Variants in NRXN3 observed in about 807,000 individuals in gnomAD.
NRXN3 encodes neurexin 3.
Under a neutral mutation model 137.6 loss-of-function variants are expected in NRXN3, and 32 were observed. That is an observed-to-expected ratio of 0.23 (90% CI 0.18 to 0.31). The LOEUF (loss-of-function observed/expected upper bound fraction) is 0.31. Ranked by LOEUF, NRXN3 falls within the 10% of genes least tolerant of loss-of-function variation. The probability of loss-of-function intolerance (pLI) is 1.00; values close to 1 mark genes in which losing one functional copy is unlikely to be tolerated. For missense variants in NRXN3, 1,574 were observed against 2,062.5 expected (o/e 0.76, Z 4.59); for synonymous variants, 798 against 784.5 (o/e 1.02, Z -0.29).
chr14:79,752,943 T>G (rs563862144), intron 19 of NRXN3, among the ~76,000 whole-genome samples: 2 of 152,274 alleles, frequency 1.3e-5, no homozygotes, highest in Non-Finnish European at 2.9e-5. Context: ...AGAAGACATT[T>G]ATGCAACCAA....
intron 6 of NRXN3, among the ~76,000 whole-genome samples, chr14:78,676,575 A>C (rs748847545): frequency 4.6e-5 from 7 of 152,138 alleles, no homozygotes; most frequent in Non-Finnish European, 8.8e-5. Context: ...TAATAGTGCA[A>C]ATTGAAGCAG....
At chr14:78,316,779 C>T (rs965197171) in intron 4 of NRXN3, among the ~76,000 whole-genome samples, 4 of 152,112 alleles carry the variant, frequency 2.6e-5, no homozygotes, top group African/African-American at 7.2e-5. Flanking sequence ...TGACCAAGAC[C>T]TAGTGTTTGT....
chr14:79,491,564 C>G (rs770680823), intron 16 of NRXN3, among the ~76,000 whole-genome samples: 1 of 151,778 alleles, frequency 6.6e-6, no homozygotes, highest in Non-Finnish European at 1.5e-5. Context: ...CAAAGAGGCA[C>G]TAATGTACCC....
chr14:78,233,405 C>T (rs1386046029), intron 1 of NRXN3, among the ~76,000 whole-genome samples: 1 of 152,084 alleles, frequency 6.6e-6, no homozygotes, highest in Non-Finnish European at 1.5e-5. Flanking sequence ...GGTTCCTCTC[C>T]TCTGAGAAAC....
intron 16 of NRXN3, among the ~76,000 whole-genome samples, chr14:79,562,350 CT>C (rs1200184821): frequency 6.6e-6 from 1 of 152,096 alleles, no homozygotes; most frequent in East Asian, 1.9e-4. Flanking sequence ...AGTGTCTTCC[CT>C]TGTGGTCGCT....
intron 20 of NRXN3, among the ~76,000 whole-genome samples, chr14:79,819,482 C>CCTTTTTTT (rs1396477531): frequency 2.8e-5 from 2 of 71,922 alleles, no homozygotes; most frequent in Non-Finnish European, 4.7e-5. Context: ...ACATTAAAAG[C>CCTTTTTTT]TTTTTTTTTT....
At chr14:79,853,484 G>T in intron 20 of NRXN3, 1 of 1,003,390 alleles carries the variant, frequency 1.0e-6, no homozygotes, top group South Asian at 1.5e-5. Flanking sequence ...TATTTCCATA[G>T]ATGGGCATGT....
chr14:79,297,399 A>G (rs548685773), intron 15 of NRXN3, among the ~76,000 whole-genome samples: 2 of 152,284 alleles, frequency 1.3e-5, no homozygotes, highest in African/African-American at 4.8e-5. Flanking sequence ...ATATACTTAT[A>G]ATTTAAAAAT....
chr14:78,337,367 G>C (rs1262287135), intron 4 of NRXN3, among the ~76,000 whole-genome samples: 1 of 152,148 alleles, frequency 6.6e-6, no homozygotes, highest in Non-Finnish European at 1.5e-5. Context: ...ACTTATCCTA[G>C]TTATGGGTTT....
chr14:79,779,871 A>G lies in NRXN3; in HGVS notation c.4015-25241A>G, dbSNP rs2099108486. ...CCAGTTGAGGCTCCTCTGTAATTTT[A>G]TTTTATTTTTTGAGACAGAGTCTTG... On this transcript the variant is annotated intron_variant, in intron 19 of 20. Coordinates refer to ENST00000335750, the MANE Select transcript of NRXN3 (RefSeq NM_001330195.2). Among the ~76,000 whole-genome samples, 3 of 151,928 alleles carry G rather than the reference A, an allele frequency of 2.0e-5. No homozygotes were observed. In the South Asian group the frequency reaches 6.2e-4, roughly 32 times the overall value.
intron 4 of NRXN3, among the ~76,000 whole-genome samples, chr14:78,583,388 T>C (rs2097024199): frequency 6.6e-6 from 1 of 151,388 alleles, no homozygotes; most frequent in African/African-American, 2.4e-5. Context: ...ATATTTATAA[T>C]GAAAACATTT....
At chr14:79,039,147 A>T (rs1352630214) in intron 15 of NRXN3, among the ~76,000 whole-genome samples, 1 of 152,224 alleles carries the variant, frequency 6.6e-6, no homozygotes, top group Non-Finnish European at 1.5e-5. Flanking sequence ...CAAAACTTGG[A>T]ACTGTATCTA....
intron 20 of NRXN3, among the ~76,000 whole-genome samples, chr14:79,818,056 T>TC: frequency 7.2e-6 from 1 of 139,570 alleles, no homozygotes; most frequent in East Asian, 2.1e-4. Context: ...GTTTTTTTTT[T>TC]TTTTTTTTTT....
At chr14:79,720,256 C>T (rs191166478) in intron 19 of NRXN3, among the ~76,000 whole-genome samples, 50 of 152,168 alleles carry the variant, frequency 3.3e-4, no homozygotes, top group Admixed American at 3.1e-3. Flanking sequence ...GAGACTTATT[C>T]ACTACTGTAA....
At chr14:79,204,887 A>G (rs981497527) in intron 15 of NRXN3, among the ~76,000 whole-genome samples, 7 of 152,188 alleles carry the variant, frequency 4.6e-5, no homozygotes, top group Non-Finnish European at 8.8e-5. Context: ...GACTTGGTGT[A>G]TGTACACACA....
intron 16 of NRXN3, among the ~76,000 whole-genome samples, chr14:79,594,002 T>G (rs2097837387): frequency 6.6e-6 from 1 of 152,096 alleles, no homozygotes; most frequent in South Asian, 2.1e-4. Context: ...TATAAATCCT[T>G]TTTTTGAAAA....
rs141813446 is a variant in NRXN3, at chr14:79,185,745, G to A, written c.3262+197604G>A. On this transcript the variant is annotated intron_variant, in intron 15 of 20. Coordinates refer to ENST00000335750, the MANE Select transcript of NRXN3 (RefSeq NM_001330195.2). ...CTCCCAAAATGCTGGGATTACAGGC[G>A]TGAGCCACCACCGTACCCGGCCCAT... 5.9e-3 allele frequency among the ~76,000 whole-genome samples: 890 copies of A among 152,056 alleles called. 10 individuals carry two copies. Among genetic ancestry groups the A allele is most frequent in the African/African-American group, 0.02 (830 of 41,450 alleles).
intron 14 of NRXN3, among the ~76,000 whole-genome samples, chr14:78,970,007 G>A (rs1406368180): frequency 6.6e-6 from 1 of 152,142 alleles, no homozygotes; most frequent in Non-Finnish European, 1.5e-5. Context: ...AATAGACGTA[G>A]CATTTGGAAT....
chr14:79,068,049 T>C (rs1210634253), intron 15 of NRXN3, among the ~76,000 whole-genome samples: 1 of 151,972 alleles, frequency 6.6e-6, no homozygotes, highest in Non-Finnish European at 1.5e-5. Flanking sequence ...TTTCTAGATA[T>C]ATTTTTTCCC....
Sources: allele counts gnomAD v4.1 joint callset (sites outside exome capture counted in the v4.1 genomes callset), GRCh38; gene constraint gnomAD v4.1.1; transcripts MANE v1.5; gene names NCBI Gene and HGNC (gene_info 2026-07-23, HGNC 2026-07-21).